The following PREX1 variants were observed in gnomAD, a reference collection of about 807,000 sequenced individuals.
PREX1 encodes phosphatidylinositol-3,4,5-trisphosphate dependent Rac exchange factor 1, also known as phosphatidylinositol 3,4,5-trisphosphate-dependent Rac exchanger 1 protein.
A neutral mutation model predicts 198.3 loss-of-function variants in PREX1; 41 were observed. The observed-to-expected ratio is 0.21, with a 90% CI of 0.16 to 0.27. The LOEUF (loss-of-function observed/expected upper bound fraction) is 0.27. Ranked by LOEUF, PREX1 falls within the 10% of genes least tolerant of loss-of-function variation. The pLI is 1.00. For synonymous variants in PREX1, 843 were observed against 887.2 expected (o/e 0.95, Z 0.89); for missense variants, 1,620 against 2,200.7 (o/e 0.74, Z 5.28).
In PREX1 at chr20:48,734,576, G is replaced by A. The variant is rs200331933; in HGVS notation, c.489C>T (p.Asn163=). Residue 163 remains asparagine, a synonymous_variant, in exon 4 of 40, where the codon AAC becomes AAT. Coordinates refer to ENST00000371941, the MANE Select transcript of PREX1 (RefSeq NM_020820.4). ...EKALRLLVEL[N]KIPTVRAFLL... is the part of the protein sequence containing the mutation. The stretch of plus-strand genomic sequence containing the variant: ...GGAAGGCGCGCACGGTAGGGATCTT[G>A]TTCAGCTCCACCAGCAGCCTCAGGG... 2.5e-5 allele frequency: 41 copies of A among 1,614,122 alleles called. No homozygotes were observed. The African/African-American group carries it at 5.3e-4, about 21-fold the overall frequency.
At chr20:48,868,204 G>A in the PREX1 span, among the ~76,000 whole-genome samples, 1 of 152,224 alleles carries the variant, frequency 6.6e-6, no homozygotes. Flanking sequence ...ACAAGAGGGA[G>A]TGGTGGAAGC....
intron 5 of PREX1, among the ~76,000 whole-genome samples, chr20:48,721,733 G>C (rs923754369): frequency 2.6e-5 from 4 of 152,218 alleles, no homozygotes; most frequent in Non-Finnish European, 5.9e-5. Context: ...GCAGCCTGCA[G>C]AGGACAAGAA....
At chr20:48,668,816 C>T (rs986811367) in intron 14 of PREX1, among the ~76,000 whole-genome samples, 4 of 152,196 alleles carry the variant, frequency 2.6e-5, no homozygotes, top group Non-Finnish European at 4.4e-5. Context: ...TCCCCCACGC[C>T]GTGAGGGGCC....
At position 48,747,803 on chromosome 20, in the gene PREX1, C is replaced by A. The variant is rs745915050; in HGVS notation, c.291+6G>T. The A allele has an allele frequency of 1.2e-6, 2 of 1,611,618 alleles. No homozygotes were observed. Among genetic ancestry groups the A allele is most frequent in the Non-Finnish European group, 1.7e-6 (2 of 1,178,454 alleles). Reference sequence around the variant, plus strand: ...CTAGAACAGGGGCCAGCCCCAGCGTCCACACCTTGACATTCTCCTCCGTGA... The same window carrying A: ...CTAGAACAGGGGCCAGCCCCAGCGTACACACCTTGACATTCTCCTCCGTGA... On this transcript the variant is annotated splice_donor_region_variant and intron_variant, in intron 2 of 39. Transcript: ENST00000371941.
intron 22 of PREX1, 95 bp downstream of exon 22, chr20:48,651,301 G>C (rs1205351730): frequency 2.7e-6 from 4 of 1,475,696 alleles, no homozygotes; most frequent in Non-Finnish European, 2.7e-6. Flanking sequence ...AATGGGATTC[G>C]GGTGTCCCAC....
At chr20:48,670,299 T>C (rs1480760362) in intron 14 of PREX1, among the ~76,000 whole-genome samples, 1 of 145,058 alleles carries the variant, frequency 6.9e-6, no homozygotes, top group Non-Finnish European at 1.5e-5. Flanking sequence ...CCAACCCCTC[T>C]CTGCCCCTGC....
rs575157731 is a variant in PREX1, at chr20:48,742,660, A to G, written c.414+2365T>C. Among the ~76,000 whole-genome samples the G allele has an allele frequency of 4.2e-4, 64 of 152,232 alleles. 1 individual carries two copies. The highest frequency in any genetic ancestry group is 1.5e-3 in the African/African-American group (63 of 41,540). On this transcript the variant is annotated intron_variant, in intron 3 of 39. Coordinates refer to ENST00000371941, the MANE Select transcript of PREX1 (RefSeq NM_020820.4). ...CCTAGTTTGATGAGGCTACATGAGG[A>G]GGGTCCCAGGTAGCAGAAGAGAGGA... is the stretch of plus-strand genomic sequence containing the variant.
At chr20:48,681,084 G>T in intron 11 of PREX1, 151 bp downstream of exon 11, 1 of 716,164 alleles carries the variant, frequency 1.4e-6, no homozygotes, top group Non-Finnish European at 2.4e-6. Flanking sequence ...GTTTTACAAG[G>T]GCATCCATGT....
At chr20:48,735,086 AAAGAT>A in intron 3 of PREX1, among the ~76,000 whole-genome samples, 1 of 152,262 alleles carries the variant, frequency 6.6e-6, no homozygotes, top group East Asian at 1.9e-4. Flanking sequence ...CCCTGAGCCC[AAAGAT>A]GTACTCCTTC....
intron 1 of PREX1, among the ~76,000 whole-genome samples, chr20:48,813,109 G>T (rs1483398012): frequency 6.6e-6 from 1 of 152,174 alleles, no homozygotes; most frequent in African/African-American, 2.4e-5. Context: ...CCCAGATGTC[G>T]GCCTGCCCTG....
At chr20:48,809,134 C>CA (rs1158187539) in intron 1 of PREX1, among the ~76,000 whole-genome samples, 1 of 152,192 alleles carries the variant, frequency 6.6e-6, no homozygotes, top group Non-Finnish European at 1.5e-5. Context: ...CACATGTGGG[C>CA]ACCAGTGTTA....
At chr20:48,634,121 T>C (rs2089340193) in intron 33 of PREX1, among the ~76,000 whole-genome samples, 1 of 149,652 alleles carries the variant, frequency 6.7e-6, no homozygotes, top group African/African-American at 2.5e-5. Context: ...CCTGGATGGA[T>C]GGATGCATGG....
intron 5 of PREX1, among the ~76,000 whole-genome samples, chr20:48,715,156 T>C (rs944176544): frequency 2.6e-5 from 4 of 152,176 alleles, no homozygotes; most frequent in African/African-American, 7.2e-5. Context: ...GAGAAGAGTA[T>C]TTCTGGAAGG....
the PREX1 span, among the ~76,000 whole-genome samples, chr20:48,860,945 A>C: frequency 1.3e-5 from 2 of 152,274 alleles, no homozygotes; most frequent in East Asian, 3.9e-4. Flanking sequence ...ATCCTGGTCA[A>C]CATAGTCAAA....
chr20:48,702,224 AG>A (rs1330057481), intron 6 of PREX1, among the ~76,000 whole-genome samples: 7 of 150,136 alleles, frequency 4.7e-5, no homozygotes, highest in Non-Finnish European at 7.4e-5. Context: ...AAAAAAAAAA[AG>A]ATAAAGAGGC....
chr20:48,653,681 C>T (rs2089519472), intron 19 of PREX1, among the ~76,000 whole-genome samples, 184 bp from the exon 20 acceptor site: 1 of 152,192 alleles, frequency 6.6e-6, no homozygotes, highest in African/African-American at 2.4e-5. Context: ...TCCCATTTTG[C>T]AGAAGAAACT....
intron 5 of PREX1, among the ~76,000 whole-genome samples, chr20:48,717,756 C>G (rs2089968654): frequency 6.6e-6 from 1 of 152,210 alleles, no homozygotes; most frequent in African/African-American, 2.4e-5. Flanking sequence ...GTTTTAAAAA[C>G]TCCTTTCTTC....
chr20:48,846,288 A>G, the PREX1 span, among the ~76,000 whole-genome samples: 1 of 152,208 alleles, frequency 6.6e-6, no homozygotes, highest in African/African-American at 2.4e-5. Context: ...GAGAAGTGCA[A>G]GGGAGGATCC....
upstream of PREX1, among the ~76,000 whole-genome samples, chr20:48,831,635 A>G (rs1270710315): frequency 6.6e-6 from 1 of 152,218 alleles, no homozygotes; most frequent in African/African-American, 2.4e-5. Flanking sequence ...CAGAACAGAT[A>G]AGGTCCCTGG....
Sources: gnomAD v4.1 joint callset for allele counts (sites outside exome capture counted in the v4.1 genomes callset) on GRCh38, gnomAD v4.1.1 for gene constraint, MANE v1.5 for transcripts, NCBI Gene and HGNC (gene_info 2026-07-23, HGNC 2026-07-21) for gene names.